Variants in CACNA1C observed in about 807,000 individuals in gnomAD.
The protein encoded by CACNA1C is voltage-dependent L-type calcium channel subunit alpha-1C.
Under a neutral mutation model 229.0 loss-of-function variants are expected in CACNA1C, and 30 were observed. The ratio of observed to expected loss-of-function variants is 0.13; its 90% CI spans 0.10 to 0.18. The LOEUF (loss-of-function observed/expected upper bound fraction) is 0.18, where lower values mean the gene tolerates loss of function less well. Among genes scored for constraint, CACNA1C ranks in the 10% least tolerant of loss-of-function variants. The pLI is 1.00. For missense variants in CACNA1C, 1,658 were observed against 2,845.0 expected (o/e 0.58, Z 9.49); for synonymous variants, 1,114 against 1,132.5 (o/e 0.98, Z 0.33).
chr12:2,622,744 C>T (rs1221048011), intron 29 of CACNA1C, among the ~76,000 whole-genome samples: 2 of 152,226 alleles, frequency 1.3e-5, no homozygotes, highest in African/African-American at 4.8e-5. Flanking sequence ...ATACAGCTCT[C>T]TTCTTTCCTT....
At chr12:2,372,353 T>C (rs1444226087) in intron 3 of CACNA1C, among the ~76,000 whole-genome samples, 1 of 152,156 alleles carries the variant, frequency 6.6e-6, no homozygotes, top group East Asian at 1.9e-4. Context: ...ACTATGTCAG[T>C]GTGAGCAGAC....
At chr12:1,999,255 ACT>A (rs2041631836) in intron 1 of CACNA1C, among the ~76,000 whole-genome samples, 1 of 152,106 alleles carries the variant, frequency 6.6e-6, no homozygotes, top group African/African-American at 2.4e-5. Flanking sequence ...TCAACAACAT[ACT>A]CTCTGCCCAT....
intron 3 of CACNA1C, among the ~76,000 whole-genome samples, chr12:2,193,437 C>T (rs1001919472): frequency 4.0e-5 from 6 of 151,312 alleles, no homozygotes; most frequent in African/African-American, 1.5e-4. Context: ...CCTGGGCAAT[C>T]GAGCTAGACC....
At chr12:2,093,803 G>A (rs918256908) in intron 1 of CACNA1C, among the ~76,000 whole-genome samples, 3 of 152,194 alleles carry the variant, frequency 2.0e-5, no homozygotes, top group Non-Finnish European at 4.4e-5. Flanking sequence ...GCTGGAAACC[G>A]CCCCTCTTTC....
chr12:2,412,403 G>C (rs2098818084), intron 3 of CACNA1C, among the ~76,000 whole-genome samples: 1 of 152,238 alleles, frequency 6.6e-6, no homozygotes, highest in South Asian at 2.1e-4. Context: ...AGATCATGGG[G>C]ATAAGGGGCG....
chr12:2,087,634 T>A (rs527779510), intron 1 of CACNA1C, among the ~76,000 whole-genome samples: 1 of 152,184 alleles, frequency 6.6e-6, no homozygotes, highest in Admixed American at 6.5e-5. Flanking sequence ...AAGAAAAAAA[T>A]CATAAATTCC....
rs1481540003 is a variant in CACNA1C at position 2,595,758 on chromosome 12, C to A, written c.2664-116C>A. On this transcript the variant is annotated intron_variant, in intron 19 of 46. Coordinates refer to ENST00000399655, the MANE Select transcript of CACNA1C (RefSeq NM_000719.7). This position sits in a 1 kb window ranked among gnomAD's most constrained non-coding sequence, Gnocchi z 4.1. ...GAATGAAGAGGTCACTTCAGGCCAA[C>A]AAGCACCTGTTGCCAGCTGCTGGGG... 2.1e-6 allele frequency: 2 copies of A among 938,982 alleles called. No individual in the cohort carries two copies. The highest frequency in any genetic ancestry group is 2.3e-5 in the Admixed American group (1 of 43,512). 58.2% of individuals were successfully genotyped at this position (938,982 alleles called of 1,614,324 possible).
intron 1 of CACNA1C, among the ~76,000 whole-genome samples, chr12:2,039,843 C>T (rs2049776448): frequency 7.0e-6 from 1 of 143,328 alleles, no homozygotes; most frequent in Non-Finnish European, 1.5e-5. Context: ...TGTGCCTGAG[C>T]TGGGATTACA....
At chr12:2,160,216 C>T (rs572865021) in intron 3 of CACNA1C, among the ~76,000 whole-genome samples, 61 of 152,300 alleles carry the variant, frequency 4.0e-4, no homozygotes, top group African/African-American at 1.1e-3. Flanking sequence ...GTACGTTTTG[C>T]TTTTTCTTCT....
chr12:2,461,912 C>T (rs1358050537), intron 5 of CACNA1C, among the ~76,000 whole-genome samples: 2 of 152,168 alleles, frequency 1.3e-5, no homozygotes, highest in African/African-American at 2.4e-5. Flanking sequence ...TATCATGGCC[C>T]GGACCTAACA....
intron 34 of CACNA1C, among the ~76,000 whole-genome samples, chr12:2,663,607 C>T (rs1185049174): frequency 1.3e-5 from 2 of 152,116 alleles, no homozygotes; most frequent in South Asian, 2.1e-4. Context: ...GGATCAAAGA[C>T]GACTGCTTGG....
Position 2,504,870 on chromosome 12 carries a change from C to T in CACNA1C, c.1142C>T (p.Pro381Leu). Residue 381 changes from proline (P) to leucine (L), a missense_variant, in exon 8 of 47, where the codon CCC becomes CTC. Physicochemically the swap from Pro to Leu is moderately conservative, Grantham distance 98. Transcript: ENST00000399655. This position sits in a 1 kb window ranked among gnomAD's most constrained non-coding sequence, Gnocchi z 6.8. The stretch of plus-strand genomic sequence containing the variant: ...AATGATGCCGTAGGAAGGGACTGGC[C>T]CTGGATCTATTTTGTTACACTAATC... Reference protein sequence around the residue: ...WVNDAVGRDWPWIYFVTLIII... With the variant: ...WVNDAVGRDWLWIYFVTLIII... The T allele has an allele frequency of 6.2e-7, 1 of 1,603,534 alleles. No individual in the cohort carries two copies. The highest frequency in any genetic ancestry group is 8.5e-7 in the Non-Finnish European group (1 of 1,170,884).
At chr12:2,673,525 C>T (rs2096654188) in intron 38 of CACNA1C, among the ~76,000 whole-genome samples, 2 of 151,598 alleles carry the variant, frequency 1.3e-5, no homozygotes, top group South Asian at 4.2e-4. Context: ...GGTCAGAAGT[C>T]CAGCAGTGGT....
chr12:2,220,642 C>A (rs974060845), intron 3 of CACNA1C: 1 of 152,246 alleles, frequency 6.6e-6, no homozygotes, highest in South Asian at 2.1e-4. Flanking sequence ...TGTCTCTTGT[C>A]TTTTTTCACT....
intron 3 of CACNA1C, among the ~76,000 whole-genome samples, chr12:2,153,330 A>G (rs2095387869): frequency 6.6e-6 from 1 of 152,150 alleles, no homozygotes; most frequent in Non-Finnish European, 1.5e-5. Context: ...TAAAATATAC[A>G]TAATATAACA....
At chr12:2,670,650 G>A (rs570196631) in intron 38 of CACNA1C, among the ~76,000 whole-genome samples, 5 of 152,204 alleles carry the variant, frequency 3.3e-5, no homozygotes, top group South Asian at 4.2e-4. Flanking sequence ...CCCGAGGTCA[G>A]GAGATTGAGA....
chr12:2,588,591 G>A (rs2063633292), intron 18 of CACNA1C, among the ~76,000 whole-genome samples: 1 of 152,206 alleles, frequency 6.6e-6, no homozygotes, highest in Non-Finnish European at 1.5e-5. Context: ...AATACTCAGA[G>A]GAGGGGCCTG....
intron 1 of CACNA1C, among the ~76,000 whole-genome samples, chr12:2,056,690 A>C (rs755465529): frequency 2.0e-5 from 3 of 152,232 alleles, no homozygotes; most frequent in Non-Finnish European, 4.4e-5. Context: ...CAGGTTAAAG[A>C]AAGCTGTGGC....
chr12:2,392,566 A>G (rs2098503536), intron 3 of CACNA1C, among the ~76,000 whole-genome samples: 1 of 152,188 alleles, frequency 6.6e-6, no homozygotes. Flanking sequence ...CTCAAAGCAC[A>G]CTTTTCATTC....
Sources: gnomAD v4.1 joint callset for allele counts (sites outside exome capture counted in the v4.1 genomes callset) on GRCh38, gnomAD v4.1.1 for gene constraint, Gnocchi (gnomAD v3.1) non-coding constraint, MANE v1.5 for transcripts, NCBI Gene and HGNC (gene_info 2026-07-23, HGNC 2026-07-21) for gene names.